Variants in HIPK2 observed in about 807,000 individuals in gnomAD.
The protein encoded by HIPK2 is homeodomain-interacting protein kinase 2.
HIPK2 carries 27 observed loss-of-function variants against 113.7 expected under a neutral mutation model. That is an observed-to-expected ratio of 0.24 (90% CI 0.17 to 0.33). HIPK2 has a LOEUF of 0.33. Among genes scored for constraint, HIPK2 ranks in the 10% least tolerant of loss-of-function variants. The pLI, the probability that HIPK2 is intolerant of heterozygous loss-of-function variation, is 1.00. For synonymous variants in HIPK2, 631 were observed against 642.2 expected, an observed-to-expected ratio of 0.98 and a Z score of 0.26; for missense variants, 1,257 against 1,588.0, an observed-to-expected ratio of 0.79 and a Z score of 3.54.
rs1429257901 is a variant in HIPK2, at chr7:139,572,864, CTTCTCTCCCTCCTCCCTCGGGCCA to C, written c.*39_*62del. ...CCACGGTCCCAGGAGCGCCTCCCTC[CTTCTCTCCCTCCTCCCTCGGGCCA>C]TTCTCTCCCTCCCTCCCTCCCTCCC... On this transcript the variant is annotated 3_prime_UTR_variant, in exon 15 of 15. Coordinates refer to ENST00000406875, the MANE Select transcript of HIPK2 (RefSeq NM_022740.5). 13 of 1,387,178 alleles carry C rather than the reference CTTCTCTCCCTCCTCCCTCGGGCCA, an allele frequency of 9.4e-6. No individual in the cohort carries two copies. Among genetic ancestry groups the C allele is most frequent in the Non-Finnish European group, 1.2e-5 (13 of 1,056,120 alleles). 85.9% of individuals were successfully genotyped at this position (1,387,178 alleles called of 1,614,324 possible).
intron 2 of HIPK2, among the ~76,000 whole-genome samples, chr7:139,685,037 A>T (rs762906948): frequency 2.0e-5 from 3 of 152,224 alleles, no homozygotes; most frequent in Non-Finnish European, 2.9e-5. Context: ...GTTGGTTCAT[A>T]AGGTTTAAGG....
Position 139,568,225 on chromosome 7 carries a change from G to C in HIPK2, c.*4702C>G, listed in dbSNP as rs1798152831. Reference sequence around the variant, plus strand: ...TCTAGGTTGAAGAGGACAAAGGTCAGCTGGCTCCCCCAGCCCGTGAACACC... The same window carrying C: ...TCTAGGTTGAAGAGGACAAAGGTCACCTGGCTCCCCCAGCCCGTGAACACC... On this transcript the variant is annotated 3_prime_UTR_variant, in exon 15 of 15. Transcript: ENST00000406875. 2 of 152,284 alleles carry C rather than the reference G, an allele frequency of 1.3e-5. No individual in the cohort carries two copies. The highest frequency in any genetic ancestry group is 4.1e-4 in the South Asian group (2 of 4,834). The allele number at this position is 152,284 out of a possible 1,614,324, so 9.4% of individuals were successfully genotyped here.
At chr7:139,676,866 CTTT>C (rs11307517) in intron 2 of HIPK2, among the ~76,000 whole-genome samples, 2 of 145,258 alleles carry the variant, frequency 1.4e-5, no homozygotes, top group Non-Finnish European at 3.0e-5. Context: ...TTTTCTTTTT[CTTT>C]TTTTTTTTTT....
At chr7:139,685,607 G>A (rs1794191329) in intron 2 of HIPK2, among the ~76,000 whole-genome samples, 3 of 152,186 alleles carry the variant, frequency 2.0e-5, no homozygotes, top group Admixed American at 1.3e-4. Context: ...GATGCAGCTG[G>A]TGACTTTAAG....
Position 139,641,676 on chromosome 7 carries a change from T to A in HIPK2, c.1104-9951A>T, listed in dbSNP as rs369766869. On this transcript the variant is annotated intron_variant, in intron 2 of 14. Coordinates refer to ENST00000406875, the MANE Select transcript of HIPK2 (RefSeq NM_022740.5). ...GGCAGAGTCAACCTGTATTACTGTG[T>A]CTGCTTATGGCATCGGCGGCAACAA... 9.2e-5 allele frequency among the ~76,000 whole-genome samples: 14 copies of A among 152,292 alleles called. No individual in the cohort carries two copies. In the South Asian group the frequency reaches 2.9e-3, roughly 32 times the overall value.
intron 2 of HIPK2, among the ~76,000 whole-genome samples, chr7:139,637,143 G>A (rs1018104118): frequency 6.6e-6 from 1 of 152,150 alleles, no homozygotes; most frequent in African/African-American, 2.4e-5. Flanking sequence ...CAGCAGTGGC[G>A]CTGGTCACCC....
intron 2 of HIPK2, among the ~76,000 whole-genome samples, chr7:139,682,348 C>T (rs1371170163): frequency 5.3e-5 from 8 of 152,152 alleles, no homozygotes; most frequent in Admixed American, 3.9e-4. Context: ...TCTCTAGCCT[C>T]AAGAAACTCA....
intron 7 of HIPK2, among the ~76,000 whole-genome samples, chr7:139,618,354 A>G (rs1388050171): frequency 6.6e-6 from 1 of 152,134 alleles, no homozygotes; most frequent in South Asian, 2.1e-4. Context: ...TGATGTATTC[A>G]AAAGTAGGGA....
chr7:139,774,790 T>C (rs1796713053), intron 1 of HIPK2, among the ~76,000 whole-genome samples: 2 of 152,210 alleles, frequency 1.3e-5, no homozygotes, highest in African/African-American at 4.8e-5. Flanking sequence ...GCAAAGCAAG[T>C]TGATGGAGGA....
chr7:139,694,310 T>C (rs1484336821), intron 2 of HIPK2, among the ~76,000 whole-genome samples: 1 of 152,190 alleles, frequency 6.6e-6, no homozygotes, highest in Admixed American at 6.5e-5. Context: ...AGACACCAGA[T>C]ATGTATCAAC....
chr7:139,750,388 C>T (rs1796259998), intron 1 of HIPK2, among the ~76,000 whole-genome samples: 1 of 152,150 alleles, frequency 6.6e-6, no homozygotes. Context: ...GCATGGTGGG[C>T]AATGGAATCT....
chr7:139,752,255 A>G (rs1365795779), intron 1 of HIPK2, among the ~76,000 whole-genome samples: 1 of 152,234 alleles, frequency 6.6e-6, no homozygotes, highest in Admixed American at 6.5e-5. Flanking sequence ...AAGGGACTGA[A>G]GTCCAAGCTG....
chr7:139,709,867 A>G (rs1024352029), intron 2 of HIPK2, among the ~76,000 whole-genome samples: 5 of 152,262 alleles, frequency 3.3e-5, no homozygotes, highest in African/African-American at 4.8e-5. Context: ...TCATTAAACA[A>G]AAGAAAGCAA....
In HIPK2 at chr7:139,626,826, C is replaced by T. The variant is rs771408629; in HGVS notation, c.1435-41G>A. 1.8e-5 allele frequency: 29 copies of T among 1,607,646 alleles called. No individual in the cohort carries two copies. The South Asian group carries it at 2.3e-4, about 13-fold the overall frequency. On this transcript the variant is annotated intron_variant, in intron 5 of 14. Coordinates refer to ENST00000406875, the MANE Select transcript of HIPK2 (RefSeq NM_022740.5). ...GACAGGTTACCAAGGAAGACCCCAG[C>T]GTGCCTCCCCTCTCCTGGCTCCCCT...
intron 1 of HIPK2, among the ~76,000 whole-genome samples, chr7:139,740,460 G>C (rs767677697): frequency 6.6e-6 from 1 of 152,192 alleles, no homozygotes; most frequent in Non-Finnish European, 1.5e-5. Context: ...TCTCTCTACC[G>C]TCCCTCACCA....
chr7:139,592,955 C>T (rs79879795), intron 12 of HIPK2, among the ~76,000 whole-genome samples: 3,087 of 152,202 alleles, frequency 0.02, 102 homozygotes, highest in African/African-American at 0.07. Flanking sequence ...GAGCTGACTC[C>T]GCCCTTCTCA....
Position 139,767,416 on chromosome 7 carries a change from C to A in HIPK2, c.19+10189G>T, listed in dbSNP as rs569984639. Among the ~76,000 whole-genome samples the A allele has an allele frequency of 2.4e-3, 363 of 152,296 alleles. 1 individual carries two copies. The highest frequency in any genetic ancestry group is 8.2e-3 in the African/African-American group (340 of 41,558). On this transcript the variant is annotated intron_variant, in intron 1 of 14. Transcript: ENST00000406875. ...GGCAAATACACGCTCAAGGAACACA[C>A]AGTCAAAGAATAAACAGGTAGGTAA...
At chr7:139,758,572 C>A (rs59765664) in intron 1 of HIPK2, among the ~76,000 whole-genome samples, 10,748 of 152,182 alleles carry the variant, frequency 0.071, 506 homozygotes, top group East Asian at 0.17. Flanking sequence ...GGTGAGTGAG[C>A]ATTACCGGCT....
intron 1 of HIPK2, among the ~76,000 whole-genome samples, chr7:139,733,583 T>C (rs1795854280): frequency 1.3e-5 from 2 of 152,346 alleles, no homozygotes; most frequent in South Asian, 4.1e-4. Context: ...AAATAATCTA[T>C]GTTTTACTTT....
Sources: gnomAD v4.1 joint callset for allele counts (sites outside exome capture counted in the v4.1 genomes callset) on GRCh38, gnomAD v4.1.1 for gene constraint, MANE v1.5 for transcripts, NCBI Gene and HGNC (gene_info 2026-07-23, HGNC 2026-07-21) for gene names.